Variants in PHF21A observed in about 807,000 individuals in gnomAD.
PHF21A encodes the protein PHD finger protein 21A, also known as BHC80a.
Under a neutral mutation model 82.5 loss-of-function variants are expected in PHF21A, and 11 were observed. That is an observed-to-expected ratio of 0.13 (90% CI 0.08 to 0.22). The LOEUF is 0.22. Ranked by LOEUF, PHF21A falls within the 10% of genes least tolerant of loss-of-function variation. The probability of loss-of-function intolerance (pLI) is 1.00; values close to 1 mark genes in which losing one functional copy is unlikely to be tolerated. For synonymous variants in PHF21A, 297 were observed against 302.8 expected, an observed-to-expected ratio of 0.98 and a Z score of 0.20; for missense variants, 579 against 837.8, an observed-to-expected ratio of 0.69 and a Z score of 3.81.
rs561817862 is a variant in PHF21A at position 45,971,973 on chromosome 11, T to C, written c.361-606A>G. 9.4e-5 allele frequency among the ~76,000 whole-genome samples: 14 copies of C among 148,470 alleles called. No individual in the cohort carries two copies. The South Asian group carries it at 2.4e-3, about 25-fold the overall frequency. On this transcript the variant is annotated intron_variant, in intron 7 of 18. Coordinates refer to ENST00000676320, the MANE Select transcript of PHF21A (RefSeq NM_001352027.3). Reference sequence around the variant, plus strand: ...ATTAGCATGTCGCCTCTGAGGTAGTTACCCTGGAGGCAATGAGTCCCAAAG... The same window carrying C: ...ATTAGCATGTCGCCTCTGAGGTAGTCACCCTGGAGGCAATGAGTCCCAAAG...
intron 6 of PHF21A, among the ~76,000 whole-genome samples, chr11:45,994,136 C>G (rs1023604762): frequency 6.6e-5 from 10 of 152,152 alleles, no homozygotes; most frequent in African/African-American, 2.4e-4. Flanking sequence ...AACCTTACAG[C>G]CTCAAGCCAA....
At chr11:46,079,868 G>C (rs565694983) in intron 4 of PHF21A, among the ~76,000 whole-genome samples, 6 of 150,002 alleles carry the variant, frequency 4.0e-5, no homozygotes, top group Non-Finnish European at 7.4e-5. Context: ...GGAAAGGAAA[G>C]GAAAGAGGAA....
intron 1 of PHF21A, among the ~76,000 whole-genome samples, chr11:46,092,485 T>C (rs1313364615): frequency 3.3e-5 from 5 of 152,184 alleles, no homozygotes; most frequent in Admixed American, 2.0e-4. Context: ...AATTTTCCTT[T>C]CCTAAGAGAC....
rs186108898 is a variant in PHF21A, at chr11:46,111,115, G to A, written c.-237+9820C>T. On this transcript the variant is annotated intron_variant, in intron 1 of 18. Coordinates refer to ENST00000676320, the MANE Select transcript of PHF21A (RefSeq NM_001352027.3). The stretch of plus-strand genomic sequence containing the variant: ...AACAAATTTTAAATCACAACTATGT[G>A]GGGGGGGAGGCTAGTATTATTACAG... 2.3e-4 allele frequency among the ~76,000 whole-genome samples: 34 copies of A among 150,326 alleles called. 1 individual carries two copies. Among genetic ancestry groups the A allele is most frequent in the Admixed American group, 1.8e-3 (27 of 15,094 alleles).
rs534101738 is a variant in PHF21A, at chr11:46,024,628, C to G, written c.154-44662G>C. On this transcript the variant is annotated intron_variant, in intron 6 of 18. Transcript: ENST00000676320. ...CAGCCTGACCACAATGGTGAAACCC[C>G]ATCTCTACTAAAAATACAAAAAATT... 5.3e-5 allele frequency among the ~76,000 whole-genome samples: 8 copies of G among 151,952 alleles called. No individual in the cohort carries two copies. The East Asian group carries it at 1.5e-3, about 29-fold the overall frequency.
At chr11:46,118,926 T>A (rs772145492) in intron 1 of PHF21A, 29 of 152,162 alleles carry the variant, frequency 1.9e-4, no homozygotes, top group Non-Finnish European at 3.5e-4. Flanking sequence ...ACAAATATCA[T>A]AAACACTGAA....
chr11:45,956,826 T>C (rs1454799577), intron 10 of PHF21A, among the ~76,000 whole-genome samples: 1 of 152,120 alleles, frequency 6.6e-6, no homozygotes, highest in Non-Finnish European at 1.5e-5. Flanking sequence ...TTACCAGTAA[T>C]CACTTAAATG....
At position 45,938,318 on chromosome 11, in the gene PHF21A, A is replaced by C. The variant is rs368112010; in HGVS notation, c.1453-6T>G. On this transcript the variant is annotated splice_region_variant and splice_polypyrimidine_tract_variant and intron_variant, in intron 15 of 18. Transcript: ENST00000676320. ...AAATCCTCATGAATATCACCCTATA[A>C]AGTTGAGAGGAAAGGTAAGAAAAAG... The C allele has an allele frequency of 6.0e-5, 96 of 1,604,730 alleles. No individual in the cohort carries two copies. In the African/African-American group the frequency reaches 1.2e-3, roughly 21 times the overall value.
At chr11:45,958,926 C>A (rs1381790957) in intron 10 of PHF21A, among the ~76,000 whole-genome samples, 1 of 152,006 alleles carries the variant, frequency 6.6e-6, no homozygotes, top group South Asian at 2.1e-4. Context: ...TCCAAAAAAA[C>A]AAAAACCAAA....
At chr11:45,937,061 G>A (rs1210950454) in intron 16 of PHF21A, among the ~76,000 whole-genome samples, 1 of 152,134 alleles carries the variant, frequency 6.6e-6, no homozygotes, top group Non-Finnish European at 1.5e-5. Flanking sequence ...GTCAAAAATC[G>A]TCAGAAGGTC....
chr11:46,120,962 C>T lies in PHF21A; in HGVS notation c.-264G>A, dbSNP rs1853129300. ...TCCTGCTGCTGGCTGGCTGTCCCCCCTGGCAGCTGGAGGCAGGAACTCTGA... is the reference window on the plus strand; with the variant it reads ...TCCTGCTGCTGGCTGGCTGTCCCCCTTGGCAGCTGGAGGCAGGAACTCTGA... On this transcript the variant is annotated 5_prime_UTR_variant, in exon 1 of 19. Transcript: ENST00000676320. 1 of 153,258 alleles carries T rather than the reference C, an allele frequency of 6.5e-6. No homozygotes were observed. The highest frequency in any genetic ancestry group is 2.4e-5 in the African/African-American group (1 of 41,424). The allele number at this position is 153,258 out of a possible 1,614,324, so 9.5% of individuals were successfully genotyped here. A position where few individuals can be genotyped will look rare whatever the true frequency, so the allele number is the denominator to read the frequency against.
chr11:46,076,705 T>C (rs992904148), intron 6 of PHF21A, 49 bp downstream of exon 6: 2 of 1,446,012 alleles, frequency 1.4e-6, no homozygotes, highest in Non-Finnish European at 9.7e-7. Context: ...AGCAGACATA[T>C]CTTTAGAACA....
chr11:45,948,491 G>A (rs1161602328), intron 14 of PHF21A, among the ~76,000 whole-genome samples: 1 of 152,228 alleles, frequency 6.6e-6, no homozygotes, highest in Admixed American at 6.5e-5. Context: ...TGGCCTTGCC[G>A]GCAGCAGGAC....
intron 6 of PHF21A, among the ~76,000 whole-genome samples, chr11:46,013,518 G>C (rs1298147383): frequency 6.6e-6 from 1 of 152,162 alleles, no homozygotes; most frequent in East Asian, 1.9e-4. Context: ...GCAGGTAAGT[G>C]GGGGAGTACT....
intron 1 of PHF21A, among the ~76,000 whole-genome samples, chr11:46,113,084 A>G (rs1229514659): frequency 6.6e-6 from 1 of 152,232 alleles, no homozygotes. Context: ...GAAGCTGTGT[A>G]TAATAAAATG....
In PHF21A at chr11:45,993,839, G is replaced by A. The variant is rs562017529; in HGVS notation, c.154-13873C>T. ...AACGGGACGGTCAGAGATGAGGCTC[G>A]GGCAGCTGGCGAGATAGCTCTGGAG... On this transcript the variant is annotated intron_variant, in intron 6 of 18. Transcript: ENST00000676320. 3.3e-5 allele frequency among the ~76,000 whole-genome samples: 5 copies of A among 151,910 alleles called. No homozygotes were observed. The East Asian group carries it at 9.7e-4, about 30-fold the overall frequency.
At chr11:45,999,575 A>G (rs764285885) in intron 6 of PHF21A, among the ~76,000 whole-genome samples, 7 of 152,388 alleles carry the variant, frequency 4.6e-5, no homozygotes, top group Non-Finnish European at 1.0e-4. Context: ...AGGGAAATTT[A>G]AAAATATATC....
intron 2 of PHF21A, 136 bp downstream of exon 2, chr11:46,092,047 C>T (rs1370685254): frequency 6.6e-6 from 1 of 151,052 alleles, no homozygotes; most frequent in African/African-American, 2.4e-5. Flanking sequence ...TTCATTTCCA[C>T]TTAGTGCAAA....
chr11:46,081,059 G>A (rs1219530312), intron 4 of PHF21A, among the ~76,000 whole-genome samples: 1 of 152,156 alleles, frequency 6.6e-6, no homozygotes, highest in African/African-American at 2.4e-5. Context: ...AAAAAGACGA[G>A]TGAATAGGTT....
Sources: allele counts gnomAD v4.1 joint callset (sites outside exome capture counted in the v4.1 genomes callset), GRCh38; gene constraint gnomAD v4.1.1; transcripts MANE v1.5; gene names NCBI Gene and HGNC (gene_info 2026-07-23, HGNC 2026-07-21).